Variants in ERN1 observed in about 807,000 individuals in gnomAD.
ERN1 encodes the protein serine/threonine-protein kinase/endoribonuclease IRE1.
Under a neutral mutation model 113.1 loss-of-function variants are expected in ERN1, and 39 were observed. The observed-to-expected ratio is 0.34, with a 90% confidence interval of 0.27 to 0.45. The LOEUF is 0.45. Among genes scored for constraint, ERN1 ranks in the 20% least tolerant of loss-of-function variants. ERN1 has a pLI of 1.00. For missense variants in ERN1, 976 were observed against 1,274.8 expected (o/e 0.77, Z 3.57); for synonymous variants, 507 against 515.9 (o/e 0.98, Z 0.23).
intron 8 of ERN1, among the ~76,000 whole-genome samples, chr17:64,065,726 G>C (rs1913202392): frequency 1.3e-5 from 2 of 152,060 alleles, no homozygotes; most frequent in South Asian, 2.1e-4. Flanking sequence ...AAGGATCCTG[G>C]AGGTTTTACA....
intron 1 of ERN1, among the ~76,000 whole-genome samples, chr17:64,104,342 GC>G (rs1276858139): frequency 6.6e-6 from 1 of 152,100 alleles, no homozygotes; most frequent in Non-Finnish European, 1.5e-5. Context: ...CTGCCTTGTT[GC>G]CCCCTGCAAT....
In ERN1 at chr17:64,071,974, T is replaced by G; in HGVS notation, c.478+7A>C. The G allele has an allele frequency of 6.4e-7, 1 of 1,556,782 alleles. No homozygotes were observed. Among genetic ancestry groups the G allele is most frequent in the Non-Finnish European group, 8.7e-7 (1 of 1,149,408 alleles). ...CAGGTTGTAGAAGACAAAGGTTCAT[T>G]TCTTACCTGTTCGCCCAAGATACAG... On this transcript the variant is annotated splice_region_variant and intron_variant, in intron 6 of 21. Transcript: ENST00000433197.
chr17:64,119,445 G>A (rs562528121), intron 1 of ERN1, among the ~76,000 whole-genome samples: 61 of 134,380 alleles, frequency 4.5e-4, no homozygotes, highest in Non-Finnish European at 8.0e-4. Context: ...CTGGAGTGCA[G>A]TGGTGGGATC....
chr17:64,122,260 G>C (rs777263550), intron 1 of ERN1, among the ~76,000 whole-genome samples: 22 of 152,170 alleles, frequency 1.4e-4, no homozygotes, highest in Non-Finnish European at 3.1e-4. Context: ...AGACAGAGCA[G>C]GGTAGTAATT....
intron 2 of ERN1, among the ~76,000 whole-genome samples, chr17:64,083,366 G>A (rs781293620): frequency 2.6e-5 from 4 of 152,098 alleles, no homozygotes; most frequent in Non-Finnish European, 5.9e-5. Context: ...ATTTAATAAT[G>A]AGAACTGATA....
At chr17:64,068,364 A>C in intron 6 of ERN1, 73 bp from the exon 7 acceptor site, 1 of 1,076,856 alleles carries the variant, frequency 9.3e-7, no homozygotes, top group Non-Finnish European at 1.4e-6. Flanking sequence ...GTCCTTATCT[A>C]ATTATAACAA....
intron 2 of ERN1, among the ~76,000 whole-genome samples, chr17:64,085,345 C>CG (rs1301568666): frequency 6.6e-6 from 1 of 152,134 alleles, no homozygotes; most frequent in African/African-American, 2.4e-5. Context: ...AAAGGGGAAC[C>CG]GGAGTGTACA....
chr17:64,044,939 T>C lies in ERN1; in HGVS notation c.2654-12A>G, dbSNP rs1313358983. On this transcript the variant is annotated splice_polypyrimidine_tract_variant and intron_variant, in intron 20 of 21. Transcript: ENST00000433197. The surrounding 1 kb of genome is among the most constrained non-coding windows in gnomAD (Gnocchi z 4.1). ...GAATTTACGCAGGTCTAGAAAAACA[T>C]TGAGGGAAGCAATGGGTAATCAAAT... 7 of 1,570,142 alleles carry C rather than the reference T, an allele frequency of 4.5e-6. No homozygotes were observed. Among genetic ancestry groups the C allele is most frequent in the Middle Eastern group, 1.7e-4 (1 of 6,006 alleles).
chr17:64,070,438 C>T (rs931667672), intron 6 of ERN1, among the ~76,000 whole-genome samples: 18 of 152,178 alleles, frequency 1.2e-4, no homozygotes, highest in Non-Finnish European at 1.8e-4. Context: ...CTGAGAATGA[C>T]GCAATTTTTA....
rs1325788717 is a variant in ERN1, at chr17:64,045,432, C to G, written c.2580G>C (p.Lys860Asn). 1.2e-6 allele frequency: 2 copies of G among 1,613,934 alleles called. No individual in the cohort carries two copies. The highest frequency in any genetic ancestry group is 3.3e-5 in the Admixed American group (2 of 60,018). The change falls in exon 20 of 22, where the codon AAG becomes AAC. Residue 860 changes from lysine to asparagine, a missense_variant. Physicochemically the swap from Lys to Asn is moderately conservative, Grantham distance 94 (BLOSUM62 0). Around this residue, in one of 5 missense-constraint regions of ERN1, gnomAD observed 297 missense variants for 457.8 expected, o/e 0.65. Transcript: ENST00000433197. ...CGGCTCTCCCGCCTCTCTCTAACTG[C>G]TTCACGATCGGGCCATCCAGGGATT... ...EKESLDGPIV[K>N]QLERGGRAVV... is the part of the protein sequence containing the mutation.
intron 10 of ERN1, among the ~76,000 whole-genome samples, chr17:64,061,479 C>T (rs1407073575): frequency 1.3e-5 from 2 of 152,206 alleles, no homozygotes; most frequent in Non-Finnish European, 2.9e-5. Flanking sequence ...ACATACATGC[C>T]AAGATGACAA....
In ERN1 at chr17:64,045,733, C is replaced by T. The variant is rs117965674; in HGVS notation, c.2530-251G>A. ...ACAGAGTACACCTGCATATAGACCA[C>T]GAACGCATACCCTGAATTTCACATG... On this transcript the variant is annotated intron_variant, in intron 19 of 21. Transcript: ENST00000433197. Among the ~76,000 whole-genome samples the T allele has an allele frequency of 5.4e-3, 819 of 152,240 alleles. 22 individuals carry two copies. The highest frequency in any genetic ancestry group is 0.045 in the Admixed American group (690 of 15,290).
intron 2 of ERN1, among the ~76,000 whole-genome samples, chr17:64,092,370 C>T (rs142639676): frequency 0.011 from 1,701 of 152,204 alleles, 34 homozygotes; most frequent in African/African-American, 0.039. Flanking sequence ...GAGACACTCA[C>T]GTGAGAATAA....
In ERN1 at chr17:64,067,285, C is replaced by T. The variant is rs886437911; in HGVS notation, c.581-353G>A. Among the ~76,000 whole-genome samples the T allele has an allele frequency of 3.3e-5, 5 of 152,032 alleles. No individual in the cohort carries two copies. The South Asian group carries it at 8.3e-4, about 25-fold the overall frequency. On this transcript the variant is annotated intron_variant, in intron 7 of 21. Transcript: ENST00000433197. ...GCATTTCATAGCAGTCACTTGAAAC[C>T]CATCGATCAAACTGAAAGTCAGGGA...
chr17:64,045,416 C>A lies in ERN1; in HGVS notation c.2596G>T (p.Gly866Trp). The change falls in exon 20 of 22, where the codon GGG (glycine) becomes TGG (tryptophan). Residue 866 changes from glycine (G) to tryptophan (W), a missense_variant. Coordinates refer to ENST00000433197, the MANE Select transcript of ERN1 (RefSeq NM_001433.5). ...CAGTCCATCTTCACCACGGCTCTCCCGCCTCTCTCTAACTGCTTCACGATC... is the reference window on the plus strand; with the variant it reads ...CAGTCCATCTTCACCACGGCTCTCCAGCCTCTCTCTAACTGCTTCACGATC... ...GPIVKQLERG[G>W]RAVVKMDWRE... 6.2e-7 allele frequency: 1 copy of A among 1,613,992 alleles called. No homozygotes were observed. Among genetic ancestry groups the A allele is most frequent in the Non-Finnish European group, 8.5e-7 (1 of 1,179,886 alleles).
chr17:64,058,041 T>C (rs749726287), intron 11 of ERN1, 48 bp from the exon 12 acceptor site: 29 of 1,399,532 alleles, frequency 2.1e-5, no homozygotes, highest in Non-Finnish European at 2.7e-5. Flanking sequence ...TCTAGCCAGA[T>C]ACAGATGAGG....
intron 1 of ERN1, among the ~76,000 whole-genome samples, chr17:64,113,046 T>C (rs1914715975): frequency 6.6e-6 from 1 of 152,206 alleles, no homozygotes; most frequent in African/African-American, 2.4e-5. Context: ...CAGGCTTTTT[T>C]CCCAAGAAGG....
At chr17:64,094,387 ATTAT>A (rs1385172614) in intron 2 of ERN1, among the ~76,000 whole-genome samples, 2 of 151,960 alleles carry the variant, frequency 1.3e-5, no homozygotes, top group African/African-American at 2.4e-5. Context: ...ATACTTTCCT[ATTAT>A]TTGTTTTAGA....
rs1453450047 is a variant in ERN1 at position 64,064,088 on chromosome 17, T to C, written c.985A>G (p.Lys329Glu). 4 of 1,613,040 alleles carry C rather than the reference T, an allele frequency of 2.5e-6. No individual in the cohort carries two copies. In the African/African-American group the frequency reaches 5.3e-5, roughly 21 times the overall value. ...PQTDGVTIGD[K>E]GECVITPSTD... ...CTGGGCGTGATCACACACTCCCCCTTGTCCCCAATGGTGACGCCATCAGTC... is the reference window on the plus strand; with the variant it reads ...CTGGGCGTGATCACACACTCCCCCTCGTCCCCAATGGTGACGCCATCAGTC... Residue 329 changes from lysine to glutamate, a missense_variant, in exon 10 of 22, where the codon AAG becomes GAG. By Grantham distance (56) the Lys-to-Glu change is moderately conservative (BLOSUM62 1). Around this residue, in one of 5 missense-constraint regions of ERN1, gnomAD observed 459 missense variants for 581.2 expected, o/e 0.79. Transcript: ENST00000433197.
Sources: allele counts gnomAD v4.1 joint callset (sites outside exome capture counted in the v4.1 genomes callset), GRCh38; gene constraint gnomAD v4.1.1; regional missense constraint gnomAD v4.1.1; non-coding constraint Gnocchi (gnomAD v3.1); transcripts MANE v1.5; gene names NCBI Gene and HGNC (gene_info 2026-07-23, HGNC 2026-07-21).